Variants in ELAVL4 observed in about 807,000 individuals in gnomAD.
The protein encoded by ELAVL4 is ELAV like RNA binding protein 4.
ELAVL4 carries 1 observed loss-of-function variant against 35.6 expected under a neutral mutation model. The observed-to-expected ratio is 0.03, with a 90% confidence interval of 0.01 to 0.13. ELAVL4 has a LOEUF of 0.13. Among genes scored for constraint, ELAVL4 ranks in the 10% least tolerant of loss-of-function variants. ELAVL4 has a pLI of 1.00. For synonymous variants in ELAVL4, 156 were observed against 171.0 expected (o/e 0.91, Z 0.69); for missense variants, 267 against 464.9 (o/e 0.57, Z 3.91).
chr1:50,183,790 A>G (rs1681417329), intron 3 of ELAVL4, among the ~76,000 whole-genome samples: 1 of 152,152 alleles, frequency 6.6e-6, no homozygotes, highest in South Asian at 2.1e-4. Context: ...GGCATAAGCA[A>G]TTATTTCTCC....
intron 3 of ELAVL4, among the ~76,000 whole-genome samples, chr1:50,181,607 A>G (rs1366318842): frequency 6.6e-6 from 1 of 152,176 alleles, no homozygotes; most frequent in African/African-American, 2.4e-5. Context: ...AGTGGAGATG[A>G]CTTGCCTCAT....
intron 1 of ELAVL4, among the ~76,000 whole-genome samples, chr1:50,119,298 A>C (rs1323624315): frequency 6.6e-6 from 1 of 151,988 alleles, no homozygotes; most frequent in South Asian, 2.1e-4. Context: ...TATCTGTAAA[A>C]AGCGGGAGGG....
At chr1:50,188,101 A>C (rs1294299065) in intron 3 of ELAVL4, among the ~76,000 whole-genome samples, 1 of 152,158 alleles carries the variant, frequency 6.6e-6, no homozygotes, top group Non-Finnish European at 1.5e-5. Flanking sequence ...TCTCAAAAAA[A>C]AAAATTAATC....
In ELAVL4 at chr1:50,149,062, G is replaced by A. The variant is rs112758412; in HGVS notation, c.250+3865G>A. On this transcript the variant is annotated intron_variant, in intron 2 of 6. Coordinates refer to ENST00000371824, the MANE Select transcript of ELAVL4 (RefSeq NM_001144774.3). ...TTTTATAAGTGTTTATCTTGTTACC[G>A]CCCCAAAACAAATAAGGAAAGAAAA... is the stretch of plus-strand genomic sequence containing the variant. 4.8e-3 allele frequency among the ~76,000 whole-genome samples: 727 copies of A among 151,374 alleles called. 5 individuals carry two copies. Among genetic ancestry groups the A allele is most frequent in the African/African-American group, 0.01 (421 of 41,208 alleles).
At chr1:50,154,391 G>T (rs1284978469) in intron 2 of ELAVL4, among the ~76,000 whole-genome samples, 1 of 144,134 alleles carries the variant, frequency 6.9e-6, no homozygotes, top group Non-Finnish European at 1.5e-5. Flanking sequence ...CACCTACTTA[G>T]TTCTTGCGGA....
intron 3 of ELAVL4, among the ~76,000 whole-genome samples, chr1:50,179,026 C>T (rs925281512): frequency 6.6e-6 from 1 of 151,716 alleles, no homozygotes; most frequent in Non-Finnish European, 1.5e-5. Context: ...GTAGACCTGG[C>T]TTTTCTGGTC....
intron 1 of ELAVL4, among the ~76,000 whole-genome samples, chr1:50,086,155 T>G (rs921787418): frequency 6.6e-6 from 1 of 152,134 alleles, no homozygotes; most frequent in East Asian, 1.9e-4. Context: ...AAGTTTTAAA[T>G]GTACATGTAG....
chr1:50,143,776 C>A (rs571790806), intron 1 of ELAVL4, among the ~76,000 whole-genome samples: 1 of 152,038 alleles, frequency 6.6e-6, no homozygotes, highest in Admixed American at 6.6e-5. Context: ...CCAGGAAATC[C>A]GGGTGCAGGC....
At chr1:50,109,630 C>G (rs2148530036) in intron 1 of ELAVL4, 1 of 421,460 alleles carries the variant, frequency 2.4e-6, no homozygotes, top group East Asian at 4.2e-5. Flanking sequence ...GAAATTTAAA[C>G]CTCGAGAGGC....
In ELAVL4 at chr1:50,192,519, GCACACACACA is replaced by G. The variant is rs5774068; in HGVS notation, c.355-1210_355-1201del. ...TTTGCACACATGCTTTTGTGTGCAC[GCACACACACA>G]CACACACACACACACACACACACAC... On this transcript the variant is annotated intron_variant, in intron 3 of 6. Transcript: ENST00000371824. 3.7e-3 allele frequency among the ~76,000 whole-genome samples: 522 copies of G among 140,440 alleles called. 1 individual carries two copies. Among genetic ancestry groups the G allele is most frequent in the African/African-American group, 0.011 (434 of 38,002 alleles). 92.1% of individuals were successfully genotyped at this position (140,440 alleles called of 152,430 possible). A position where few individuals can be genotyped will look rare whatever the true frequency, so the allele number is the denominator to read the frequency against.
At chr1:50,109,690 G>A (rs1666734860) in intron 1 of ELAVL4, 1 of 519,310 alleles carries the variant, frequency 1.9e-6, no homozygotes, top group African/African-American at 1.9e-5. Flanking sequence ...TCGGGGGACT[G>A]CGCAGTCAAA....
At chr1:50,145,270 G>A (rs1322641414) in intron 2 of ELAVL4, 73 bp downstream of exon 2, 4 of 1,593,268 alleles carry the variant, frequency 2.5e-6, no homozygotes, top group Non-Finnish European at 3.4e-6. Context: ...ATGTGTGATG[G>A]TGCACCTGAA....
intron 1 of ELAVL4, among the ~76,000 whole-genome samples, chr1:50,056,072 T>G (rs1663645249): frequency 6.6e-6 from 1 of 152,170 alleles, no homozygotes; most frequent in African/African-American, 2.4e-5. Context: ...CCCTGGAGAT[T>G]GGGTGCCCAT....
At chr1:50,052,341 C>G (rs1663428842) in intron 1 of ELAVL4, among the ~76,000 whole-genome samples, 1 of 152,148 alleles carries the variant, frequency 6.6e-6, no homozygotes, top group Non-Finnish European at 1.5e-5. Flanking sequence ...ACACCCCACA[C>G]TTTTTGTGTG....
intron 3 of ELAVL4, among the ~76,000 whole-genome samples, chr1:50,185,535 C>T (rs1681689157): frequency 6.6e-6 from 1 of 152,208 alleles, no homozygotes; most frequent in African/African-American, 2.4e-5. Context: ...CAGTTTGTCT[C>T]TTAGTTCAGC....
chr1:50,061,781 T>A (rs531367568), intron 1 of ELAVL4, among the ~76,000 whole-genome samples: 1 of 152,300 alleles, frequency 6.6e-6, no homozygotes, highest in East Asian at 1.9e-4. Context: ...ATGGGTAATC[T>A]TTATTTCAGA....
chr1:50,076,203 G>T (rs1247409924), intron 1 of ELAVL4, among the ~76,000 whole-genome samples: 1 of 152,168 alleles, frequency 6.6e-6, no homozygotes, highest in East Asian at 1.9e-4. Context: ...GCCATGGGGA[G>T]ATTGTAGAGG....
chr1:50,195,955 C>T (rs943144711), intron 5 of ELAVL4, among the ~76,000 whole-genome samples, 169 bp downstream of exon 5: 1 of 152,182 alleles, frequency 6.6e-6, no homozygotes, highest in African/African-American at 2.4e-5. Context: ...TAAAATGAGA[C>T]AGTTGGAGCA....
In ELAVL4 at chr1:50,193,767, C is replaced by G. The variant is rs754521558; in HGVS notation, c.357C>G (p.Val119=). 1 of 1,612,434 alleles carries G rather than the reference C, an allele frequency of 6.2e-7. No homozygotes were observed. Among genetic ancestry groups the G allele is most frequent in the Non-Finnish European group, 8.5e-7 (1 of 1,179,404 alleles). Residue 119 remains valine, a splice_region_variant and synonymous_variant, in exon 4 of 7, where the codon GTC becomes GTG. Transcript: ENST00000371824. Reference sequence around the variant, plus strand: ...TAGCTCCTCTTGCCTTTTCCTAGGTCTCATATGCCCGTCCGAGCTCTGCCT... The same window carrying G: ...TAGCTCCTCTTGCCTTTTCCTAGGTGTCATATGCCCGTCCGAGCTCTGCCT... ...GLRLQTKTIK[V]SYARPSSASI... is the part of the protein sequence containing the mutation.
Sources: gnomAD v4.1 joint callset for allele counts (sites outside exome capture counted in the v4.1 genomes callset) on GRCh38, gnomAD v4.1.1 for gene constraint, MANE v1.5 for transcripts, NCBI Gene and HGNC (gene_info 2026-07-23, HGNC 2026-07-21) for gene names.